SYNPR: variants seen among roughly 807,000 people sequenced by gnomAD.
The protein encoded by SYNPR is synaptoporin.
In SYNPR, 23 loss-of-function variants were observed where a neutral mutation model predicts 32.9. That is an observed-to-expected ratio of 0.70 (90% CI 0.50 to 0.99). The LOEUF (loss-of-function observed/expected upper bound fraction) is 0.99. Among genes scored for constraint, SYNPR ranks in the 50% least tolerant of loss-of-function variants. The pLI, the probability that SYNPR is intolerant of heterozygous loss-of-function variation, is 0.00. For synonymous variants in SYNPR, 146 were observed against 135.9 expected, an observed-to-expected ratio of 1.07 and a Z score of -0.52; for missense variants, 318 against 349.3, an observed-to-expected ratio of 0.91 and a Z score of 0.71.
rs2086599677 is a variant in SYNPR at position 63,278,663 on chromosome 3, T to G, written c.19-14T>G. 6.4e-7 allele frequency: 1 copy of G among 1,551,504 alleles called. No homozygotes were observed. The highest frequency in any genetic ancestry group is 2.0e-5 in the Admixed American group (1 of 50,992). On this transcript the variant is annotated splice_polypyrimidine_tract_variant and intron_variant, in intron 1 of 5. Transcript: ENST00000478300. The stretch of plus-strand genomic sequence containing the variant: ...CACGCTTTGCTTTCTCTCTCTCGCC[T>G]CATTCCCCCAAAGCTGGCCTCTGCG...
At chr3:63,571,769 G>A (rs62250776) in intron 4 of SYNPR, among the ~76,000 whole-genome samples, 45,225 of 151,934 alleles carry the variant, frequency 0.3, 7,154 homozygotes, top group South Asian at 0.43. Flanking sequence ...GGTGCTTAGT[G>A]TTAAGTAAAA....
intron 2 of SYNPR, among the ~76,000 whole-genome samples, chr3:63,435,229 C>A (rs543961601): frequency 6.6e-6 from 1 of 152,290 alleles, no homozygotes; most frequent in Non-Finnish European, 1.5e-5. Flanking sequence ...TCCAGGCAGA[C>A]TTTGGCAACT....
intron 3 of SYNPR, among the ~76,000 whole-genome samples, chr3:63,538,155 A>G (rs138844258): frequency 6.6e-6 from 1 of 152,204 alleles, no homozygotes; most frequent in Non-Finnish European, 1.5e-5. Flanking sequence ...TTTGATCGTG[A>G]GGCTTTTTTG....
At chr3:63,438,378 T>C (rs1366842695) in intron 2 of SYNPR, among the ~76,000 whole-genome samples, 1 of 152,200 alleles carries the variant, frequency 6.6e-6, no homozygotes, top group African/African-American at 2.4e-5. Context: ...TATTGTCATA[T>C]AGATGAGTGC....
chr3:63,473,210 A>G (rs1700837513), intron 2 of SYNPR, among the ~76,000 whole-genome samples: 1 of 152,142 alleles, frequency 6.6e-6, no homozygotes, highest in South Asian at 2.1e-4. Flanking sequence ...CTGCTTAGCT[A>G]TCCATTCCTC....
chr3:63,240,833 A>G (rs1322992060), intron 1 of SYNPR, among the ~76,000 whole-genome samples: 1 of 152,076 alleles, frequency 6.6e-6, no homozygotes, highest in African/African-American at 2.4e-5. Context: ...ACAAGGAGGA[A>G]ACTCTGCTCC....
At chr3:63,416,785 G>T (rs11915572) in intron 2 of SYNPR, among the ~76,000 whole-genome samples, 1 of 151,936 alleles carries the variant, frequency 6.6e-6, no homozygotes, top group Admixed American at 6.6e-5. Context: ...ATTCCCCCCT[G>T]TAAAACCATC....
At chr3:63,243,893 C>CA (rs1368888267) in intron 1 of SYNPR, among the ~76,000 whole-genome samples, 2 of 151,604 alleles carry the variant, frequency 1.3e-5, no homozygotes, top group Admixed American at 6.6e-5. Flanking sequence ...AAAAACAAAA[C>CA]AAAAAAACAG....
intron 1 of SYNPR, among the ~76,000 whole-genome samples, chr3:63,245,870 T>A (rs1361306367): frequency 6.6e-6 from 1 of 152,022 alleles, no homozygotes; most frequent in Non-Finnish European, 1.5e-5. Context: ...ATGAACAGTC[T>A]GAATATTCAT....
chr3:63,510,509 A>T (rs1701675828), intron 3 of SYNPR, among the ~76,000 whole-genome samples: 1 of 152,174 alleles, frequency 6.6e-6, no homozygotes, highest in South Asian at 2.1e-4. Flanking sequence ...CAGTTGTGGG[A>T]ACAAGGACAT....
At chr3:63,476,147 A>AGGG (rs1700904181) in intron 2 of SYNPR, among the ~76,000 whole-genome samples, 1 of 20,312 alleles carries the variant, frequency 4.9e-5, no homozygotes, top group African/African-American at 4.5e-4. Context: ...GGAAGGAAGG[A>AGGG]AGGGAGGGAG....
intron 1 of SYNPR, among the ~76,000 whole-genome samples, chr3:63,244,471 T>C (rs1575574257): frequency 6.6e-6 from 1 of 152,074 alleles, no homozygotes; most frequent in Non-Finnish European, 1.5e-5. Flanking sequence ...GATGCTGTAA[T>C]GGCTTTTAGT....
At chr3:63,456,496 C>T (rs999553538) in intron 2 of SYNPR, among the ~76,000 whole-genome samples, 1 of 152,010 alleles carries the variant, frequency 6.6e-6, no homozygotes, top group African/African-American at 2.4e-5. Context: ...CCTTCAGGCA[C>T]AAGGTAGACT....
In SYNPR at chr3:63,320,579, A is replaced by G. The variant is rs546906101; in HGVS notation, c.84+41837A>G. Among the ~76,000 whole-genome samples the G allele has an allele frequency of 5.3e-5, 8 of 152,192 alleles. No individual in the cohort carries two copies. The South Asian group carries it at 1.7e-3, about 32-fold the overall frequency. ...GGCAGGGACCAGTTCTAGTTCCCCCACTTATGTCCACAGAAATTAGAAAAT... is the reference window on the plus strand; with the variant it reads ...GGCAGGGACCAGTTCTAGTTCCCCCGCTTATGTCCACAGAAATTAGAAAAT... On this transcript the variant is annotated intron_variant, in intron 2 of 5. Coordinates refer to ENST00000478300, the MANE Select transcript of SYNPR (RefSeq NM_001130003.2).
chr3:63,544,241 T>G (rs1391603741), intron 3 of SYNPR, among the ~76,000 whole-genome samples: 1 of 152,128 alleles, frequency 6.6e-6, no homozygotes, highest in South Asian at 2.1e-4. Context: ...ACATTATATG[T>G]GCTGACGATA....
chr3:63,536,260 T>C (rs1702204758), intron 3 of SYNPR, among the ~76,000 whole-genome samples: 1 of 152,124 alleles, frequency 6.6e-6, no homozygotes, highest in Admixed American at 6.6e-5. Context: ...TGAAGAATTC[T>C]TATAACTTAA....
the SYNPR span, among the ~76,000 whole-genome samples, chr3:63,208,012 T>G: frequency 1.3e-5 from 2 of 151,276 alleles, no homozygotes; most frequent in East Asian, 1.9e-4. Flanking sequence ...AAATAATAAA[T>G]TTTTCATTAA....
chr3:63,469,165 A>G lies in SYNPR; in HGVS notation c.85-11667A>G, dbSNP rs567807490. On this transcript the variant is annotated intron_variant, in intron 2 of 5. Coordinates refer to ENST00000478300, the MANE Select transcript of SYNPR (RefSeq NM_001130003.2). ...TTATTTCCTATTCAGAGAACGCTGC[A>G]CATGGCAATCTGAGGCCTATTCTAA... is the stretch of plus-strand genomic sequence containing the variant. Among the ~76,000 whole-genome samples the G allele has an allele frequency of 2.4e-3, 362 of 152,288 alleles. 1 individual carries two copies. The highest frequency in any genetic ancestry group is 8.4e-3 in the African/African-American group (351 of 41,580).
chr3:63,321,338 T>C (rs1412034005), intron 2 of SYNPR, among the ~76,000 whole-genome samples: 1 of 152,042 alleles, frequency 6.6e-6, no homozygotes, highest in Non-Finnish European at 1.5e-5. Flanking sequence ...TGGAGAAAAG[T>C]CCAAAGAAGA....
Sources: allele counts gnomAD v4.1 joint callset (sites outside exome capture counted in the v4.1 genomes callset), GRCh38; gene constraint gnomAD v4.1.1; transcripts MANE v1.5; gene names NCBI Gene and HGNC (gene_info 2026-07-23, HGNC 2026-07-21).